The following ITGA2B variants were observed in gnomAD, a reference collection of about 807,000 sequenced individuals.
ITGA2B encodes the protein integrin subunit alpha 2b.
A neutral mutation model predicts 142.0 loss-of-function variants in ITGA2B; 91 were observed. That is an observed-to-expected ratio of 0.64 (90% CI 0.54 to 0.76). The LOEUF (loss-of-function observed/expected upper bound fraction) is 0.76, where lower values mean the gene tolerates loss of function less well. Among genes scored for constraint, ITGA2B ranks in the 30% least tolerant of loss-of-function variants. ITGA2B has a pLI of 0.00. For missense variants in ITGA2B, 1,231 were observed against 1,350.8 expected, an observed-to-expected ratio of 0.91 and a Z score of 1.39; for synonymous variants, 536 against 567.2, an observed-to-expected ratio of 0.94 and a Z score of 0.78.
intron 1 of ITGA2B, 146 bp downstream of exon 1, chr17:44,389,140 C>T (rs1430017394): frequency 2.0e-5 from 19 of 941,558 alleles, no homozygotes; most frequent in Non-Finnish European, 3.2e-5. Context: ...TGGACCCCAA[C>T]ATTCTTGACA....
intron 1 of ITGA2B, among the ~76,000 whole-genome samples, chr17:44,387,718 G>A (rs553717737): frequency 1.3e-5 from 2 of 150,936 alleles, no homozygotes; most frequent in Admixed American, 6.6e-5. Flanking sequence ...CCAGCTACGC[G>A]GGAGGCTGTG....
rs113387832 is a variant in ITGA2B, at chr17:44,389,113, CA to C, written c.188+172del. Among the ~76,000 whole-genome samples the C allele has an allele frequency of 4.2e-3, 633 of 152,254 alleles. 9 individuals are homozygous for C. The highest frequency in any genetic ancestry group is 0.014 in the African/African-American group (581 of 41,554). ...CACATGTGCCCTGCCCTTATACCTT[CA>C]CCTGAGCCAGTCCCCTGGACCCCAA... On this transcript the variant is annotated intron_variant, in intron 1 of 29. Transcript: ENST00000262407.
intron 12 of ITGA2B, among the ~76,000 whole-genome samples, chr17:44,382,531 A>G (rs1412063661): frequency 2.0e-5 from 3 of 149,378 alleles, no homozygotes; most frequent in African/African-American, 7.4e-5. Flanking sequence ...TTTTGTTGAG[A>G]TGGAGTCTTG....
Position 44,379,773 on chromosome 17 carries a change from G to T in ITGA2B, c.1794C>A (p.Leu598=). The part of the protein sequence containing the change: ...DFRDKLSPIV[L]SLNVSLPPTE... ...TGGGCGGTAGGGACACATTGAGGCT[G>T]AGCACAATGGGGCTCAGCTTGTCCC... The change falls in exon 18 of 30, where the codon CTC becomes CTA. Residue 598 remains leucine (L), a synonymous_variant. Transcript: ENST00000262407. The T allele has an allele frequency of 3.7e-6, 6 of 1,613,866 alleles. No homozygotes were observed. Among genetic ancestry groups the T allele is most frequent in the South Asian group, 1.1e-5 (1 of 91,068 alleles).
chr17:44,375,997 G>A lies in ITGA2B; in HGVS notation c.2449-12C>T. ...CCATTGTTGTGGAGCTGAAGGGGTG[G>A]TGGTGGCAGGGTGTGGGGAGCTTAG... On this transcript the variant is annotated splice_polypyrimidine_tract_variant and intron_variant, in intron 24 of 29. Transcript: ENST00000262407. The A allele has an allele frequency of 1.2e-6, 2 of 1,614,130 alleles. No homozygotes were observed. The highest frequency in any genetic ancestry group is 1.7e-6 in the Non-Finnish European group (2 of 1,180,020).
rs2048503781 is a variant in ITGA2B, at chr17:44,372,300, T to C, written c.*64A>G. 6.4e-7 allele frequency: 1 copy of C among 1,558,786 alleles called. No individual in the cohort carries two copies. The highest frequency in any genetic ancestry group is 8.8e-7 in the Non-Finnish European group (1 of 1,130,060). On this transcript the variant is annotated 3_prime_UTR_variant, in exon 30 of 30. Coordinates refer to ENST00000262407, the MANE Select transcript of ITGA2B (RefSeq NM_000419.5). ...CAACCCAAAGCTTGGAGGCAACTTG[T>C]TGGAGAAGGGGCGGTGCAGGTAGCA...
Position 44,378,432 on chromosome 17 carries a change from G to A in ITGA2B, c.2024C>T (p.Ala675Val). The A allele has an allele frequency of 2.5e-6, 4 of 1,613,390 alleles. No homozygotes were observed. Among genetic ancestry groups the A allele is most frequent in the Non-Finnish European group, 3.4e-6 (4 of 1,179,898 alleles). Residue 675 changes from alanine (A) to valine (V), a missense_variant, in exon 20 of 30, where the codon GCC becomes GTC. Physicochemically the swap from Ala to Val is moderately conservative, Grantham distance 64 (BLOSUM62 0). This residue lies in a region of ITGA2B where 908 missense variants were observed against 1,021.1 expected (regional missense o/e 0.89). Transcript: ENST00000262407. ...GTGCACGGCCAGCTCTGCTTCATAG[G>A]CCCCCTCGCCCTCGTTGGCTGCGTC... ...QMDAANEGEG[A>V]YEAELAVHLP...
In ITGA2B at chr17:44,383,093, G is replaced by A. The variant is rs940261274; in HGVS notation, c.1210+400C>T. On this transcript the variant is annotated intron_variant, in intron 12 of 29. Transcript: ENST00000262407. ...TCAACAGGTCCAGAGCTGAACTGCT[G>A]ATCTCCCGCCTCTCCCCAGCACCTG... 3.3e-5 allele frequency among the ~76,000 whole-genome samples: 5 copies of A among 152,056 alleles called. No individual in the cohort carries two copies. In the South Asian group the frequency reaches 8.3e-4, roughly 25 times the overall value.
At chr17:44,380,205 G>A (rs1217547332) in intron 16 of ITGA2B, 41 bp downstream of exon 16, 3 of 1,613,962 alleles carry the variant, frequency 1.9e-6, no homozygotes, top group Middle Eastern at 1.6e-4. Flanking sequence ...CTCCGGGGGA[G>A]TCCAAGCCCA....
chr17:44,386,932 C>A (rs1042081093), intron 1 of ITGA2B, among the ~76,000 whole-genome samples: 4 of 152,154 alleles, frequency 2.6e-5, no homozygotes, highest in African/African-American at 9.7e-5. Flanking sequence ...GCTGGGACTG[C>A]GGGTGTGCAA....
intron 26 of ITGA2B, 160 bp downstream of exon 26, chr17:44,375,431 C>T (rs747251042): frequency 2.3e-6 from 2 of 861,338 alleles, no homozygotes; most frequent in African/African-American, 1.7e-5. Context: ...TCACCCCAGA[C>T]ACAAGCCAGC....
At position 44,376,161 on chromosome 17, in the gene ITGA2B, A is replaced by T. The variant is rs774234197; in HGVS notation, c.2372T>A (p.Val791Glu). The change falls in exon 24 of 30, where the codon GTG becomes GAG. Residue 791 changes from valine to glutamate, a missense_variant. Coordinates refer to ENST00000262407, the MANE Select transcript of ITGA2B (RefSeq NM_000419.5). ...LRGNSFPASLVVAAEEGEREQ... is the reference protein window; with the variant it reads ...LRGNSFPASLEVAAEEGEREQ... ...CCTCTCACCTTCTTCTGCTGCCACC[A>T]CCAGGGAGGCTGGAAAGGAGTTCCT... The T allele has an allele frequency of 6.2e-7, 1 of 1,613,900 alleles. No homozygotes were observed. Among genetic ancestry groups the T allele is most frequent in the Non-Finnish European group, 8.5e-7 (1 of 1,179,958 alleles).
chr17:44,380,805 G>C (rs750489551), intron 13 of ITGA2B, 74 bp downstream of exon 13: 1 of 1,596,578 alleles, frequency 6.3e-7, no homozygotes, highest in Non-Finnish European at 8.6e-7. Context: ...GCCCCTGGCC[G>C]TGTCTCTTGG....
At chr17:44,380,525 T>G in intron 14 of ITGA2B, 35 bp from the exon 15 acceptor site, 2 of 1,613,808 alleles carry the variant, frequency 1.2e-6, no homozygotes, top group Non-Finnish European at 1.7e-6. Flanking sequence ...GGCTTGCCAT[T>G]GTGGCTCCTC....
At chr17:44,378,213 A>G in intron 20 of ITGA2B, 149 bp downstream of exon 20, 24 of 971,970 alleles carry the variant, frequency 2.5e-5, no homozygotes, top group Non-Finnish European at 3.3e-5. Context: ...ATTAGCAAGT[A>G]TTCCTCCTCC....
intron 18 of ITGA2B, 132 bp downstream of exon 18, chr17:44,379,557 T>A (rs1017308809): frequency 9.2e-6 from 13 of 1,415,950 alleles, no homozygotes; most frequent in Non-Finnish European, 1.3e-5. Flanking sequence ...ACTGGCTGGA[T>A]TTTGAGGTTT....
Position 44,385,599 on chromosome 17 carries a change from G to A in ITGA2B, c.526C>T (p.Pro176Ser). 6.2e-7 allele frequency: 1 copy of A among 1,611,198 alleles called. No homozygotes were observed. The highest frequency in any genetic ancestry group is 8.5e-7 in the Non-Finnish European group (1 of 1,179,432). ...PESGRRAEYS[P>S]CRGNTLSRIY... Reference sequence around the variant, plus strand: ...CGGCTCAGGGTGTTCCCGCGACAGGGGGAGTACTCGGCGCGGCGGCCGCTC... The same window carrying A: ...CGGCTCAGGGTGTTCCCGCGACAGGAGGAGTACTCGGCGCGGCGGCCGCTC... Residue 176 changes from proline (P) to serine (S), a missense_variant, in exon 4 of 30, where the codon CCC (proline) becomes TCC (serine). Transcript: ENST00000262407.
At chr17:44,379,015 G>C (rs913622613) in intron 18 of ITGA2B, among the ~76,000 whole-genome samples, 1 of 151,942 alleles carries the variant, frequency 6.6e-6, no homozygotes, top group African/African-American at 2.4e-5. Context: ...GCACTATCTC[G>C]GCTCACTGCA....
In ITGA2B at chr17:44,380,120, T is replaced by A; in HGVS notation, c.1634A>T (p.Lys545Met). The change falls in exon 17 of 30, where the codon AAG (lysine) becomes ATG (methionine). Residue 545 changes from lysine to methionine, a missense_variant. Coordinates refer to ENST00000262407, the MANE Select transcript of ITGA2B (RefSeq NM_000419.5). ...LNAELQLDRQ[K>M]PRQGRRVLLL... ...CAGCACCCGCCGGCCCTGGCGGGGC[T>A]TCTGCCGGTCCAGCTGCAGCTCGGC... is the stretch of plus-strand genomic sequence containing the variant. 6.2e-7 allele frequency: 1 copy of A among 1,613,918 alleles called. No individual in the cohort carries two copies. Among genetic ancestry groups the A allele is most frequent in the Non-Finnish European group, 8.5e-7 (1 of 1,179,976 alleles).
Sources: allele counts gnomAD v4.1 joint callset (sites outside exome capture counted in the v4.1 genomes callset), GRCh38; gene constraint gnomAD v4.1.1; regional missense constraint gnomAD v4.1.1; transcripts MANE v1.5; gene names NCBI Gene and HGNC (gene_info 2026-07-23, HGNC 2026-07-21).